The following MGAT5 variants were observed in gnomAD, a reference collection of about 807,000 sequenced individuals.
MGAT5 encodes the protein alpha-1,6-mannosylglycoprotein 6-beta-N-acetylglucosaminyltransferase A.
A neutral mutation model predicts 94.3 loss-of-function variants in MGAT5; 30 were observed. The observed-to-expected ratio is 0.32, with a 90% CI of 0.24 to 0.43. The LOEUF is 0.43. Ranked by LOEUF, MGAT5 falls within the 20% of genes least tolerant of loss-of-function variation. The probability of loss-of-function intolerance (pLI) is 1.00; values close to 1 mark genes in which losing one functional copy is unlikely to be tolerated. For missense variants in MGAT5, 691 were observed against 905.5 expected (o/e 0.76, Z 3.04); for synonymous variants, 310 against 322.9 (o/e 0.96, Z 0.43).
intron 10 of MGAT5, among the ~76,000 whole-genome samples, chr2:134,366,689 C>T (rs905565306): frequency 3.9e-5 from 6 of 152,202 alleles, no homozygotes; most frequent in African/African-American, 1.2e-4. Flanking sequence ...GACTCTGGTT[C>T]ATACCTGGGA....
At chr2:134,309,171 G>A (rs1470623788) in intron 2 of MGAT5, among the ~76,000 whole-genome samples, 2 of 152,146 alleles carry the variant, frequency 1.3e-5, no homozygotes, top group African/African-American at 4.8e-5. Context: ...CCTTTTAATG[G>A]CTGAATAATA....
At chr2:134,126,723 T>C (rs569116891) in intron 1 of MGAT5, among the ~76,000 whole-genome samples, 1 of 152,236 alleles carries the variant, frequency 6.6e-6, no homozygotes, top group African/African-American at 2.4e-5. Flanking sequence ...GTAGAGAAGA[T>C]GACCAGGCTC....
intron 2 of MGAT5, among the ~76,000 whole-genome samples, chr2:134,283,035 G>A (rs1307997197): frequency 1.3e-5 from 2 of 151,572 alleles, no homozygotes; most frequent in South Asian, 2.1e-4. Context: ...TGTCATTTAT[G>A]TTTCTGCTAG....
chr2:134,384,172 C>G (rs887532269), intron 10 of MGAT5, among the ~76,000 whole-genome samples: 18 of 150,280 alleles, frequency 1.2e-4, no homozygotes, highest in African/African-American at 4.4e-4. Flanking sequence ...CCATAGGGAC[C>G]TCATGGTACA....
chr2:134,237,623 T>C (rs1398177100), intron 1 of MGAT5, among the ~76,000 whole-genome samples: 1 of 46,406 alleles, frequency 2.2e-5, no homozygotes, highest in African/African-American at 6.3e-5. Context: ...GATTTAATTC[T>C]TTTTTTTTTT....
chr2:134,453,593 C>T lies in MGAT5; in HGVS notation c.*4746C>T, dbSNP rs1375394932. The T allele has an allele frequency of 6.6e-6, 1 of 152,234 alleles. No homozygotes were observed. Among genetic ancestry groups the T allele is most frequent in the African/African-American group, 2.4e-5 (1 of 41,450 alleles). 9.4% of individuals were successfully genotyped at this position (152,234 alleles called of 1,614,324 possible). On this transcript the variant is annotated 3_prime_UTR_variant, in exon 16 of 16. Coordinates refer to ENST00000281923, the MANE Select transcript of MGAT5 (RefSeq NM_002410.5). The stretch of plus-strand genomic sequence containing the variant: ...CAATTGAACTTACACATTCCCCAGG[C>T]AGGTCCCTTTGCCGGCCCCTACAGG...
intron 1 of MGAT5, 51 bp from the exon 2 acceptor site, chr2:134,270,335 A>G: frequency 1.9e-6 from 3 of 1,539,272 alleles, no homozygotes; most frequent in Non-Finnish European, 2.7e-6. Flanking sequence ...CAAGCCAGAC[A>G]GATATGTAGA....
intron 10 of MGAT5, among the ~76,000 whole-genome samples, chr2:134,397,732 C>T (rs1682799992): frequency 1.3e-5 from 2 of 152,256 alleles, no homozygotes; most frequent in Non-Finnish European, 2.9e-5. Context: ...TGAAAGGGCT[C>T]CTAAGGAGCG....
At chr2:134,306,403 A>G (rs1686332855) in intron 2 of MGAT5, among the ~76,000 whole-genome samples, 1 of 152,170 alleles carries the variant, frequency 6.6e-6, no homozygotes, top group East Asian at 1.9e-4. Context: ...ATTCATTGAA[A>G]AAGATCTAAA....
At chr2:134,150,869 G>C (rs117658545) in intron 1 of MGAT5, among the ~76,000 whole-genome samples, 1 of 152,170 alleles carries the variant, frequency 6.6e-6, no homozygotes, top group Non-Finnish European at 1.5e-5. Flanking sequence ...GTTATGTGAC[G>C]AATGTCTTCT....
chr2:134,264,724 G>A (rs1002445065), intron 1 of MGAT5, among the ~76,000 whole-genome samples: 1 of 152,180 alleles, frequency 6.6e-6, no homozygotes, highest in African/African-American at 2.4e-5. Context: ...GACAGTCAAT[G>A]GAAATAAGAG....
chr2:134,418,690 G>T (rs890552476), intron 12 of MGAT5, among the ~76,000 whole-genome samples: 5 of 152,364 alleles, frequency 3.3e-5, no homozygotes, highest in African/African-American at 1.2e-4. Flanking sequence ...TGGAGGATGT[G>T]CAGGGTTAGC....
intron 1 of MGAT5, among the ~76,000 whole-genome samples, chr2:134,269,507 T>C (rs1683900300): frequency 6.6e-6 from 1 of 152,244 alleles, no homozygotes; most frequent in South Asian, 2.1e-4. Flanking sequence ...GTCACCCATC[T>C]GCTTTTCTGA....
At chr2:134,125,040 TC>T (rs1378676540) in intron 1 of MGAT5, among the ~76,000 whole-genome samples, 2 of 152,140 alleles carry the variant, frequency 1.3e-5, no homozygotes, top group Non-Finnish European at 2.9e-5. Flanking sequence ...CATGTCTGGG[TC>T]CCCTCATGGG....
chr2:134,273,990 T>C (rs1367637418), intron 2 of MGAT5, among the ~76,000 whole-genome samples: 1 of 152,224 alleles, frequency 6.6e-6, no homozygotes, highest in Non-Finnish European at 1.5e-5. Context: ...TTTAGAATGA[T>C]GCTTTGAATT....
intron 1 of MGAT5, among the ~76,000 whole-genome samples, chr2:134,164,866 G>A (rs1399130669): frequency 3.4e-5 from 5 of 147,934 alleles, no homozygotes; most frequent in Non-Finnish European, 6.0e-5. Flanking sequence ...ACCAAACAAA[G>A]CAAAACAAAA....
At chr2:134,269,262 C>A (rs1023458620) in intron 1 of MGAT5, among the ~76,000 whole-genome samples, 2 of 152,168 alleles carry the variant, frequency 1.3e-5, no homozygotes, top group Non-Finnish European at 2.9e-5. Context: ...TGTTGAGATT[C>A]GCTGGCTGTG....
At chr2:134,381,382 T>TAGATAAGATTAGATAGATTAGA (rs1553457734) in intron 10 of MGAT5, among the ~76,000 whole-genome samples, 1 of 108,512 alleles carries the variant, frequency 9.2e-6, no homozygotes, top group Non-Finnish European at 2.0e-5. Flanking sequence ...ATAAGATAGA[T>TAGATAAGATTAGATAGATTAGA]TAGATAGATA....
At chr2:134,137,688 C>A (rs866436814) in intron 1 of MGAT5, among the ~76,000 whole-genome samples, 1 of 151,966 alleles carries the variant, frequency 6.6e-6, no homozygotes, top group Non-Finnish European at 1.5e-5. Context: ...AATAATTTTT[C>A]GTTCTTTGTT....
Sources: gnomAD v4.1 joint callset for allele counts (sites outside exome capture counted in the v4.1 genomes callset) on GRCh38, gnomAD v4.1.1 for gene constraint, MANE v1.5 for transcripts, NCBI Gene and HGNC (gene_info 2026-07-23, HGNC 2026-07-21) for gene names.